Variants in PRR5 observed in about 807,000 individuals in gnomAD.
PRR5 encodes proline rich 5.
A neutral mutation model predicts 30.6 loss-of-function variants in PRR5; 25 were observed. The ratio of observed to expected loss-of-function variants is 0.82; its 90% CI spans 0.60 to 1.14. PRR5 has a LOEUF of 1.14. PRR5 is among the 50% of genes most tolerant of loss of function. The pLI is 0.00. For missense variants in PRR5, 600 were observed against 547.1 expected, an observed-to-expected ratio of 1.10 and a Z score of -0.96; for synonymous variants, 286 against 247.1, an observed-to-expected ratio of 1.16 and a Z score of -1.48.
At chr22:44,728,684 G>A (rs1921319061) in intron 4 of PRR5, among the ~76,000 whole-genome samples, 1 of 152,194 alleles carries the variant, frequency 6.6e-6, no homozygotes, top group African/African-American at 2.4e-5. Context: ...GCGGCCTCAG[G>A]GGCCTCCCCC....
chr22:44,702,183 C>CCCGCTCCCGGGT, upstream of PRR5: 1 of 938,250 alleles, frequency 1.1e-6, no homozygotes, highest in East Asian at 7.4e-5. Context: ...CGCCCCTGGG[C>CCCGCTCCCGGGT]CCGCCCCCGG....
At position 44,729,716 on chromosome 22, in the gene PRR5, C is replaced by T. The variant is rs545129867; in HGVS notation, c.323-2014C>T. The T allele has an allele frequency of 8.1e-5, 80 of 985,492 alleles. 1 individual carries two copies. In the African/African-American group the frequency reaches 1.3e-3, roughly 16 times the overall value. 61.0% of individuals were successfully genotyped at this position (985,492 alleles called of 1,614,324 possible). A position where few individuals can be genotyped will look rare whatever the true frequency, so the allele number is the denominator to read the frequency against. On this transcript the variant is annotated intron_variant, in intron 4 of 7. Coordinates refer to ENST00000336985, the MANE Select transcript of PRR5 (RefSeq NM_181333.4). The stretch of plus-strand genomic sequence containing the variant: ...GAGAGCCCCAACAGCCGCGAGGCTG[C>T]CCTTCCTGGCCTCTCGTCACCGTGT...
At chr22:44,722,842 T>TC (rs770143011) in intron 2 of PRR5, among the ~76,000 whole-genome samples, 10 of 152,152 alleles carry the variant, frequency 6.6e-5, no homozygotes, top group Non-Finnish European at 1.3e-4. Context: ...GGCTTTTTTT[T>TC]CCCAGCATGT....
chr22:44,673,945 C>T (rs1923566340), upstream of PRR5, among the ~76,000 whole-genome samples: 1 of 152,090 alleles, frequency 6.6e-6, no homozygotes, highest in Non-Finnish European at 1.5e-5. Context: ...GTGGACAAAT[C>T]CTCTTTCTAA....
intron 1 of PRR5, among the ~76,000 whole-genome samples, chr22:44,697,182 A>G (rs1925831928): frequency 6.6e-6 from 1 of 152,118 alleles, no homozygotes; most frequent in Admixed American, 6.5e-5. Flanking sequence ...ATAACAGTTG[A>G]TCCTGGCTCC....
chr22:44,732,435 A>G, intron 6 of PRR5, 44 bp downstream of exon 6: 1 of 1,580,558 alleles, frequency 6.3e-7, no homozygotes, highest in Non-Finnish European at 8.6e-7. Context: ...ACCGTGGGGC[A>G]GTAATTGGGC....
At chr22:44,733,365 C>T (rs6006861) in intron 6 of PRR5, among the ~76,000 whole-genome samples, 7,259 of 152,322 alleles carry the variant, frequency 0.048, 242 homozygotes, top group Admixed American at 0.083. Flanking sequence ...CTAATAAGGG[C>T]GGGAGCCCAG....
chr22:44,708,569 C>T (rs1308812061), intron 1 of PRR5, among the ~76,000 whole-genome samples: 2 of 152,214 alleles, frequency 1.3e-5, no homozygotes, highest in Non-Finnish European at 2.9e-5. Context: ...GTACCACCTA[C>T]ACCCTGACCT....
intron 1 of PRR5, among the ~76,000 whole-genome samples, chr22:44,678,686 G>A (rs1448367264): frequency 2.0e-5 from 3 of 152,144 alleles, no homozygotes; most frequent in African/African-American, 4.8e-5. Flanking sequence ...CCTGTTCACC[G>A]CAGGCCAGGC....
At chr22:44,690,405 G>T (rs2146966549) in intron 1 of PRR5, among the ~76,000 whole-genome samples, 1 of 152,300 alleles carries the variant, frequency 6.6e-6, no homozygotes, top group South Asian at 2.1e-4. Flanking sequence ...AGGAGAGAAA[G>T]GATTCCATGG....
intron 4 of PRR5, among the ~76,000 whole-genome samples, chr22:44,727,414 AC>A (rs1921039214): frequency 6.6e-6 from 1 of 152,144 alleles, no homozygotes; most frequent in Non-Finnish European, 1.5e-5. Context: ...CCTGCGCTGT[AC>A]CCGTGTGTTG....
intron 7 of PRR5, 125 bp downstream of exon 7, chr22:44,735,287 G>A (rs959726907): frequency 2.5e-5 from 33 of 1,327,638 alleles, no homozygotes; most frequent in Admixed American, 1.0e-4. Context: ...GTTCTCAGCC[G>A]GGCAGCAGCC....
chr22:44,682,290 C>T (rs755887659), intron 1 of PRR5, among the ~76,000 whole-genome samples: 8 of 152,200 alleles, frequency 5.3e-5, no homozygotes, highest in Non-Finnish European at 1.2e-4. Flanking sequence ...GAATTTCCTC[C>T]TTACGTGTAC....
intron 1 of PRR5, among the ~76,000 whole-genome samples, chr22:44,711,296 C>T (rs1290506820): frequency 6.6e-6 from 1 of 152,100 alleles, no homozygotes; most frequent in East Asian, 1.9e-4. Flanking sequence ...CACACAGCTG[C>T]GAGGGAGGGC....
intron 7 of PRR5, 36 bp from the exon 8 acceptor site, chr22:44,736,736 G>C: frequency 6.6e-7 from 1 of 1,516,146 alleles, no homozygotes; most frequent in Non-Finnish European, 8.8e-7. Context: ...GGACCCAGGT[G>C]GCCTCTGGTG....
rs71328675 is a variant in PRR5, at chr22:44,669,044, C to A, written c.-11+239C>A. 0.23 allele frequency among the ~76,000 whole-genome samples: 33,827 copies of A among 149,566 alleles called. 4,026 individuals are homozygous for A. Among genetic ancestry groups the A allele is most frequent in the Middle Eastern group, 0.36 (103 of 286 alleles). On this transcript the variant is annotated intron_variant, in intron 1 of 8. Transcript: ENST00000432186. Reference sequence around the variant, plus strand: ...AGGGGCGGCCCCCTTGGGTGAAGGTCCAGCCTCTCCCACCCCAGCCTCCCG... The same window carrying A: ...AGGGGCGGCCCCCTTGGGTGAAGGTACAGCCTCTCCCACCCCAGCCTCCCG...
rs145850092 is a variant in PRR5, at chr22:44,694,124, G to A, written c.-10-8368G>A. Among the ~76,000 whole-genome samples, 88 of 152,318 alleles carry A rather than the reference G, an allele frequency of 5.8e-4. No homozygotes were observed. The East Asian group carries it at 0.014, about 25-fold the overall frequency. On this transcript the variant is annotated intron_variant, in intron 1 of 8. Transcript: ENST00000006251. ...TTGAGCAGTCTGAATACCCAAGGACGGCCAAGAAGGGCCAGCACGTCATTG... is the reference window on the plus strand; with the variant it reads ...TTGAGCAGTCTGAATACCCAAGGACAGCCAAGAAGGGCCAGCACGTCATTG...
At chr22:44,705,150 C>G (rs1025166920) in intron 1 of PRR5, among the ~76,000 whole-genome samples, 48 of 152,164 alleles carry the variant, frequency 3.2e-4, no homozygotes, top group African/African-American at 1.0e-3. Context: ...AATTTGTTCC[C>G]TCACAGTTCT....
chr22:44,708,826 GC>G (rs1927656626), intron 1 of PRR5, among the ~76,000 whole-genome samples: 1 of 151,926 alleles, frequency 6.6e-6, no homozygotes, highest in African/African-American at 2.4e-5. Context: ...AATTAGCCCA[GC>G]GTGGTGGTGG....
Sources: gnomAD v4.1 joint callset for allele counts (sites outside exome capture counted in the v4.1 genomes callset) on GRCh38, gnomAD v4.1.1 for gene constraint, MANE v1.5 for transcripts, NCBI Gene and HGNC (gene_info 2026-07-23, HGNC 2026-07-21) for gene names.